PRDM6: variants seen among roughly 807,000 people sequenced by gnomAD.
PRDM6 encodes PR/SET domain 6.
PRDM6 carries 25 observed loss-of-function variants against 60.8 expected under a neutral mutation model. The observed-to-expected ratio is 0.41, with a 90% CI of 0.30 to 0.57. PRDM6 has a LOEUF of 0.57. Among genes scored for constraint, PRDM6 ranks in the 20% least tolerant of loss-of-function variants. PRDM6 has a pLI of 0.27. For synonymous variants in PRDM6, 407 were observed against 357.4 expected, an observed-to-expected ratio of 1.14 and a Z score of -1.57; for missense variants, 839 against 821.3, an observed-to-expected ratio of 1.02 and a Z score of -0.26.
At chr5:123,140,515 G>A (rs1164711638) in intron 3 of PRDM6, among the ~76,000 whole-genome samples, 1 of 151,962 alleles carries the variant, frequency 6.6e-6, no homozygotes, top group Non-Finnish European at 1.5e-5. Context: ...TTCTCAGCAG[G>A]GCAAAATTAT....
At chr5:123,093,843 C>G (rs1021275613) in intron 2 of PRDM6, among the ~76,000 whole-genome samples, 1 of 151,806 alleles carries the variant, frequency 6.6e-6, no homozygotes, top group Admixed American at 6.6e-5. Flanking sequence ...TCAGCACAGC[C>G]CATTAGTTTT....
intron 3 of PRDM6, among the ~76,000 whole-genome samples, chr5:123,112,390 A>G (rs1023283809): frequency 2.0e-5 from 3 of 152,194 alleles, no homozygotes; most frequent in Non-Finnish European, 4.4e-5. Flanking sequence ...TGTGATTTGC[A>G]GTCTGTTAAT....
chr5:123,179,618 T>G (rs17150149), intron 6 of PRDM6, among the ~76,000 whole-genome samples: 7,988 of 152,252 alleles, frequency 0.052, 682 homozygotes, highest in African/African-American at 0.18. Flanking sequence ...TAGAACGGCC[T>G]TAGTATCAAG....
intron 3 of PRDM6, among the ~76,000 whole-genome samples, chr5:123,127,330 G>A (rs1162248056): frequency 6.6e-6 from 1 of 152,110 alleles, no homozygotes; most frequent in African/African-American, 2.4e-5. Context: ...GAGCCACCGT[G>A]CCTGGCCCCA....
At chr5:123,148,580 G>A (rs760698232) in intron 3 of PRDM6, among the ~76,000 whole-genome samples, 1 of 149,490 alleles carries the variant, frequency 6.7e-6, no homozygotes, top group Non-Finnish European at 1.5e-5. Context: ...GCATATTCAC[G>A]GTCTTATGCA....
intron 3 of PRDM6, among the ~76,000 whole-genome samples, chr5:123,100,785 C>T (rs1026666261): frequency 2.6e-5 from 4 of 152,220 alleles, no homozygotes; most frequent in Non-Finnish European, 5.9e-5. Flanking sequence ...TCTCCCAAAA[C>T]ATCATGGTGG....
chr5:123,095,121 T>G (rs1459030118), intron 2 of PRDM6, among the ~76,000 whole-genome samples: 1 of 152,182 alleles, frequency 6.6e-6, no homozygotes, highest in African/African-American at 2.4e-5. Context: ...CAGGCAAACC[T>G]GCCTCGCCTC....
intron 5 of PRDM6, among the ~76,000 whole-genome samples, chr5:123,161,519 T>C (rs1765630713): frequency 6.6e-6 from 1 of 152,184 alleles, no homozygotes; most frequent in Admixed American, 6.5e-5. Context: ...GAAGGTGGCC[T>C]TTGGGCAAAG....
rs55973670 is a variant in PRDM6, at chr5:123,110,538, C to T, written c.900+10577C>T. On this transcript the variant is annotated intron_variant, in intron 3 of 7. Transcript: ENST00000407847. ...AAAGTGTGGGATTACAGGCGTGAGCCACTGCACCCGGCCTACTTTTTTTTT... is the reference window on the plus strand; with the variant it reads ...AAAGTGTGGGATTACAGGCGTGAGCTACTGCACCCGGCCTACTTTTTTTTT... Among the ~76,000 whole-genome samples the T allele has an allele frequency of 3.5e-3, 524 of 150,642 alleles. 3 individuals are homozygous for T. The highest frequency in any genetic ancestry group is 0.012 in the African/African-American group (495 of 41,150).
intron 3 of PRDM6, among the ~76,000 whole-genome samples, chr5:123,148,079 A>C (rs1251407192): frequency 6.6e-6 from 1 of 152,188 alleles, no homozygotes. Flanking sequence ...ACAACACCAC[A>C]GGTGTTTTAC....
chr5:123,166,487 A>C (rs1765756673), intron 5 of PRDM6, among the ~76,000 whole-genome samples: 1 of 152,006 alleles, frequency 6.6e-6, no homozygotes, highest in Admixed American at 6.6e-5. Context: ...GAAACTGGCA[A>C]GTGTCTTGCA....
intron 3 of PRDM6, among the ~76,000 whole-genome samples, chr5:123,110,222 ACTAAAATTAATATTTTTC>A (rs1478086333): frequency 6.6e-6 from 1 of 152,014 alleles, no homozygotes; most frequent in African/African-American, 2.4e-5. Flanking sequence ...AAAAATTTTG[ACTAAAATTAATATTTTTC>A]CTGATATATA....
intron 3 of PRDM6, among the ~76,000 whole-genome samples, chr5:123,103,336 A>G (rs1284803799): frequency 6.6e-6 from 1 of 152,034 alleles, no homozygotes; most frequent in Admixed American, 6.5e-5. Flanking sequence ...TGTTTTTTAA[A>G]CAATAATAAA....
chr5:123,107,434 G>C (rs1764220626), intron 3 of PRDM6, among the ~76,000 whole-genome samples: 1 of 152,182 alleles, frequency 6.6e-6, no homozygotes, highest in African/African-American at 2.4e-5. Context: ...CACACATCAA[G>C]TTCACTTGGT....
At chr5:123,143,105 T>C (rs929676109) in intron 3 of PRDM6, among the ~76,000 whole-genome samples, 6 of 151,880 alleles carry the variant, frequency 4.0e-5, no homozygotes, top group Non-Finnish European at 8.8e-5. Context: ...CAGTCAGTAC[T>C]ATCCTTTTAT....
chr5:123,099,000 G>A (rs1764029631), intron 2 of PRDM6, among the ~76,000 whole-genome samples: 1 of 151,154 alleles, frequency 6.6e-6, no homozygotes, highest in South Asian at 2.1e-4. Flanking sequence ...GGCAGTCGAG[G>A]AAGCCTCCGA....
At chr5:123,181,572 T>G (rs1394864722) in intron 7 of PRDM6, among the ~76,000 whole-genome samples, 1 of 152,202 alleles carries the variant, frequency 6.6e-6, no homozygotes, top group Non-Finnish European at 1.5e-5. Flanking sequence ...ACAGCTCTCT[T>G]CACTCATTTG....
At chr5:123,147,924 A>T (rs1227944323) in intron 3 of PRDM6, among the ~76,000 whole-genome samples, 2 of 152,204 alleles carry the variant, frequency 1.3e-5, no homozygotes, top group Non-Finnish European at 2.9e-5. Flanking sequence ...AGTTCTCAGG[A>T]GTGCCTGAGT....
intron 3 of PRDM6, among the ~76,000 whole-genome samples, chr5:123,151,903 A>G (rs1296117652): frequency 6.6e-6 from 1 of 152,202 alleles, no homozygotes; most frequent in East Asian, 1.9e-4. Context: ...CTGTTTTTAT[A>G]GTGGAATTAC....
Sources: gnomAD v4.1 joint callset for allele counts (sites outside exome capture counted in the v4.1 genomes callset) on GRCh38, gnomAD v4.1.1 for gene constraint, MANE v1.5 for transcripts, NCBI Gene and HGNC (gene_info 2026-07-23, HGNC 2026-07-21) for gene names.